Variants in BRI3 observed in about 807,000 individuals in gnomAD.
BRI3 encodes brain protein I3.
BRI3 carries 6 observed loss-of-function variants against 12.8 expected under a neutral mutation model. That is an observed-to-expected ratio of 0.47 (90% CI 0.26 to 0.93). The LOEUF is 0.93. Among genes scored for constraint, BRI3 ranks in the 40% least tolerant of loss-of-function variants. BRI3 has a pLI of 0.15. For missense variants in BRI3, 134 were observed against 171.1 expected (o/e 0.78, Z 1.21); for synonymous variants, 91 against 76.1 (o/e 1.20, Z -1.02).
downstream of BRI3, among the ~76,000 whole-genome samples, chr7:98,311,850 G>T (rs1800885036): frequency 6.6e-6 from 1 of 152,126 alleles, no homozygotes; most frequent in Non-Finnish European, 1.5e-5. Context: ...AGGTTGCAGT[G>T]AGCCGAGATC....
upstream of BRI3, among the ~76,000 whole-genome samples, chr7:98,305,953 A>C (rs1800640352): frequency 6.6e-6 from 1 of 152,130 alleles, no homozygotes; most frequent in Admixed American, 6.6e-5. Flanking sequence ...GGAAGGATGG[A>C]CCCAGGGTGA....
intron 2 of BRI3, among the ~76,000 whole-genome samples, chr7:98,288,152 C>T (rs1799774658): frequency 6.6e-6 from 1 of 152,198 alleles, no homozygotes. Context: ...AGTGTGTTTC[C>T]TGGGATTTGA....
the BRI3 span, chr7:98,315,619 A>ACATAAT: frequency 1.3e-6 from 1 of 782,188 alleles, no homozygotes; most frequent in East Asian, 3.4e-5. Context: ...CATACTAAAA[A>ACATAAT]AAAAAAAATA....
chr7:98,291,165 C>A lies in BRI3; in HGVS notation c.300C>A (p.Ile100=), dbSNP rs781673839. ...TCCTGGGCATCTTCCTGGCCATCAT[C>A]CTCTTCCCCTTTGGGTTCATTTGCT... is the stretch of plus-strand genomic sequence containing the variant. ...FTFLGIFLAI[I]LFPFGFICCF... is the part of the protein sequence containing the mutation. The change falls in exon 3 of 3, where the codon ATC becomes ATA. Residue 100 remains isoleucine (I), a synonymous_variant. Transcript: ENST00000297290. 6.2e-7 allele frequency: 1 copy of A among 1,614,096 alleles called. No individual in the cohort carries two copies. The highest frequency in any genetic ancestry group is 1.3e-5 in the African/African-American group (1 of 74,928).
chr7:98,300,683 G>C (rs1452225948), intron 1 of BRI3, among the ~76,000 whole-genome samples: 1 of 152,064 alleles, frequency 6.6e-6, no homozygotes, highest in Non-Finnish European at 1.5e-5. Context: ...GCACTGCTCA[G>C]GAAGCACCAC....
In BRI3 at chr7:98,291,442, T is replaced by A; in HGVS notation, c.*199T>A. 7.2e-7 allele frequency: 1 copy of A among 1,397,354 alleles called. No individual in the cohort carries two copies. Among genetic ancestry groups the A allele is most frequent in the South Asian group, 1.6e-5 (1 of 61,346 alleles). 86.6% of individuals were successfully genotyped at this position (1,397,354 alleles called of 1,614,324 possible). A position where few individuals can be genotyped will look rare whatever the true frequency, so the allele number is the denominator to read the frequency against. ...CCGCCCGAGGCTCATGACAACTCAA[T>A]AAAGCACTGCTTTTATTTTTTGCAG... On this transcript the variant is annotated 3_prime_UTR_variant, in exon 3 of 3. Coordinates refer to ENST00000297290, the MANE Select transcript of BRI3 (RefSeq NM_015379.5).
chr7:98,310,703 T>TA (rs397837701), downstream of BRI3: 41 of 922,862 alleles, frequency 4.4e-5, no homozygotes, highest in African/African-American at 1.9e-4. Flanking sequence ...TTTATTTATT[T>TA]TGAGACAGAG....
At chr7:98,286,978 C>T (rs1443463738) in intron 2 of BRI3, among the ~76,000 whole-genome samples, 1 of 152,184 alleles carries the variant, frequency 6.6e-6, no homozygotes, top group Non-Finnish European at 1.5e-5. Context: ...ATGCTGCCCA[C>T]CCTTAGGCTG....
intron 1 of BRI3, chr7:98,307,497 G>C: frequency 3.5e-6 from 5 of 1,431,694 alleles, no homozygotes; most frequent in Non-Finnish European, 4.6e-6. Flanking sequence ...TGCACCAAAT[G>C]TATCTCTACA....
chr7:98,322,292 AC>A, the BRI3 span, among the ~76,000 whole-genome samples: 1 of 152,246 alleles, frequency 6.6e-6, no homozygotes, highest in Non-Finnish European at 1.5e-5. Context: ...GACACTGGCC[AC>A]CCAGGCTTCC....
chr7:98,303,132 C>G (rs1001925067), upstream of BRI3, among the ~76,000 whole-genome samples: 1 of 152,186 alleles, frequency 6.6e-6, no homozygotes, highest in Non-Finnish European at 1.5e-5. Flanking sequence ...ATTCCTAAAC[C>G]AAATCATGCC....
chr7:98,287,170 C>CG (rs1375796576), intron 2 of BRI3, among the ~76,000 whole-genome samples: 1 of 152,258 alleles, frequency 6.6e-6, no homozygotes, highest in Non-Finnish European at 1.5e-5. Flanking sequence ...GTCCAGCTCC[C>CG]GGGCGGCACT....
intron 2 of BRI3, among the ~76,000 whole-genome samples, chr7:98,286,718 A>G (rs1339827550): frequency 2.6e-5 from 4 of 152,236 alleles, no homozygotes; most frequent in Admixed American, 2.6e-4. Flanking sequence ...TGGGGTTTTA[A>G]AAAGTAAATG....
At chr7:98,292,909 T>C, downstream of BRI3, 1 of 1,409,370 alleles carries the variant, frequency 7.1e-7, no homozygotes, top group East Asian at 2.6e-5. Context: ...GTGGCTGTGA[T>C]AAGGGCAGGC....
At chr7:98,307,500 T>C in intron 1 of BRI3, 1 of 1,433,012 alleles carries the variant, frequency 7.0e-7, no homozygotes. Context: ...ACCAAATGTA[T>C]CTCTACATGC....
downstream of BRI3, among the ~76,000 whole-genome samples, chr7:98,314,940 T>C (rs545970168): frequency 2.0e-5 from 3 of 152,384 alleles, no homozygotes; most frequent in South Asian, 4.1e-4. Context: ...TAAATATGGA[T>C]GTATTATTAA....
downstream of BRI3, among the ~76,000 whole-genome samples, chr7:98,314,909 G>C (rs2116886506): frequency 6.6e-6 from 1 of 152,270 alleles, no homozygotes; most frequent in Non-Finnish European, 1.5e-5. Context: ...CAATGATGAA[G>C]CATTATTTTA....
At chr7:98,316,097 T>A in the BRI3 span, among the ~76,000 whole-genome samples, 1 of 152,290 alleles carries the variant, frequency 6.6e-6, no homozygotes, top group Non-Finnish European at 1.5e-5. Context: ...CCCATGCCAT[T>A]CTTGTGATAG....
chr7:98,291,294 A>G lies in BRI3; in HGVS notation c.*51A>G. 6.2e-7 allele frequency: 1 copy of G among 1,609,370 alleles called. No homozygotes were observed. The highest frequency in any genetic ancestry group is 8.5e-7 in the Non-Finnish European group (1 of 1,178,442). On this transcript the variant is annotated 3_prime_UTR_variant, in exon 3 of 3. Transcript: ENST00000297290. ...ACACCCAGCTCTCTTTTTCTAATGTAAATGTTGTGTACAATAATTTTATTT... is the reference window on the plus strand; with the variant it reads ...ACACCCAGCTCTCTTTTTCTAATGTGAATGTTGTGTACAATAATTTTATTT...
Sources: gnomAD v4.1 joint callset for allele counts (sites outside exome capture counted in the v4.1 genomes callset) on GRCh38, gnomAD v4.1.1 for gene constraint, MANE v1.5 for transcripts, NCBI Gene and HGNC (gene_info 2026-07-23, HGNC 2026-07-21) for gene names.